The following CREB5 variants were observed in gnomAD, a reference collection of about 807,000 sequenced individuals.
CREB5 encodes cAMP responsive element binding protein 5, also known as cyclic AMP-responsive element-binding protein 5.
In CREB5, 19 loss-of-function variants were observed where a neutral mutation model predicts 57.1. The observed-to-expected ratio is 0.33, with a 90% confidence interval of 0.23 to 0.49. CREB5 has a LOEUF of 0.49. Ranked by LOEUF, CREB5 falls within the 20% of genes least tolerant of loss-of-function variation. The pLI, the probability that CREB5 is intolerant of heterozygous loss-of-function variation, is 0.99. For synonymous variants in CREB5, 238 were observed against 238.3 expected (o/e 1.00, Z 0.01); for missense variants, 579 against 671.6 (o/e 0.86, Z 1.52).
intron 1 of CREB5, among the ~76,000 whole-genome samples, chr7:28,372,698 T>C (rs1786731957): frequency 6.6e-6 from 1 of 152,218 alleles, no homozygotes; most frequent in African/African-American, 2.4e-5. Flanking sequence ...TGAGTGTTCA[T>C]GTTAATTAAG....
intron 1 of CREB5, among the ~76,000 whole-genome samples, chr7:28,347,493 T>A (rs1786084492): frequency 6.6e-6 from 1 of 152,222 alleles, no homozygotes; most frequent in Non-Finnish European, 1.5e-5. Flanking sequence ...GAGGAACTCA[T>A]ATTAAAGCAT....
At chr7:28,592,171 A>G (rs1796543848) in intron 5 of CREB5, among the ~76,000 whole-genome samples, 1 of 152,236 alleles carries the variant, frequency 6.6e-6, no homozygotes, top group Non-Finnish European at 1.5e-5. Flanking sequence ...TCAGAGAGCT[A>G]CATTTGGTGG....
chr7:28,561,020 G>A (rs1795245754), intron 4 of CREB5, among the ~76,000 whole-genome samples: 1 of 10,538 alleles, frequency 9.5e-5, no homozygotes, highest in African/African-American at 3.6e-4. Context: ...GTGTGTGCGT[G>A]TGTGCGTGTG....
At chr7:28,425,226 A>C (rs1474703798) in intron 1 of CREB5, among the ~76,000 whole-genome samples, 1 of 152,240 alleles carries the variant, frequency 6.6e-6, no homozygotes, top group African/African-American at 2.4e-5. Context: ...TAGATAAGCA[A>C]AATATGGTGC....
intron 5 of CREB5, among the ~76,000 whole-genome samples, chr7:28,682,883 A>C (rs1800673899): frequency 1.3e-5 from 2 of 152,226 alleles, no homozygotes. Flanking sequence ...GTCCAAAAGC[A>C]TTCTGAACTC....
chr7:28,464,496 C>CGTGTGTGTGTGTGTGTGTGTGT (rs71555745), intron 1 of CREB5, among the ~76,000 whole-genome samples: 1 of 139,576 alleles, frequency 7.2e-6, no homozygotes, highest in African/African-American at 2.7e-5. Context: ...TGGAAAGTTG[C>CGTGTGTGTGTGTGTGTGTGTGT]GTGTGTGTGT....
At chr7:28,774,188 T>G (rs1408033197) in intron 7 of CREB5, among the ~76,000 whole-genome samples, 1 of 152,252 alleles carries the variant, frequency 6.6e-6, no homozygotes, top group Non-Finnish European at 1.5e-5. Context: ...TTTTCTGTTT[T>G]CTATCAATAA....
chr7:28,475,458 G>T (rs1006920519), intron 1 of CREB5, among the ~76,000 whole-genome samples: 12 of 137,296 alleles, frequency 8.7e-5, no homozygotes, highest in Non-Finnish European at 1.8e-4. Flanking sequence ...GGGCTATTTG[G>T]GGAATAAAGG....
At chr7:28,769,482 A>G (rs1174733330) in intron 7 of CREB5, among the ~76,000 whole-genome samples, 3 of 152,252 alleles carry the variant, frequency 2.0e-5, no homozygotes, top group Admixed American at 2.0e-4. Context: ...TACCAAATAA[A>G]TACTAATAAA....
Position 28,440,138 on chromosome 7 carries a change from G to GT in CREB5, c.3+27222dup, listed in dbSNP as rs1354774257. On this transcript the variant is annotated intron_variant, in intron 1 of 10. Transcript: ENST00000357727. ...TAGAACTCTCAGTTGTCCTCTCCAC[G>GT]TGACAGTAAATTATTGCCAAATCTT... is the stretch of plus-strand genomic sequence containing the variant. Among the ~76,000 whole-genome samples, 3 of 152,220 alleles carry GT rather than the reference G, an allele frequency of 2.0e-5. No individual in the cohort carries two copies. In the East Asian group the frequency reaches 5.8e-4, roughly 29 times the overall value.
intron 7 of CREB5, among the ~76,000 whole-genome samples, chr7:28,743,848 T>C (rs1562611487): frequency 7.0e-6 from 1 of 143,784 alleles, no homozygotes; most frequent in African/African-American, 2.6e-5. Context: ...CTTTTTTTTT[T>C]TTTTTTTTTT....
At position 28,795,755 on chromosome 7, in the gene CREB5, C is replaced by CTTTTTTTTTTTTTT. The variant is rs367853221; in HGVS notation, c.703-8442_703-8429dup. On this transcript the variant is annotated intron_variant, in intron 7 of 10. Coordinates refer to ENST00000357727, the MANE Select transcript of CREB5 (RefSeq NM_182898.4). ...AAAATAAAATTAACTGTTTTTCTTT[C>CTTTTTTTTTTTTTT]TTTTTTTTTTTTTTTGAGACAGTAT... 1.5e-5 allele frequency among the ~76,000 whole-genome samples: 2 copies of CTTTTTTTTTTTTTT among 137,518 alleles called. 1 individual carries two copies. The highest frequency in any genetic ancestry group is 5.4e-5 in the African/African-American group (2 of 36,784). The allele number at this position is 137,518 out of a possible 152,430, so 90.2% of individuals were successfully genotyped here. A position where few individuals can be genotyped will look rare whatever the true frequency, so the allele number is the denominator to read the frequency against.
chr7:28,670,918 A>T (rs1312172954), intron 5 of CREB5, among the ~76,000 whole-genome samples: 1 of 152,038 alleles, frequency 6.6e-6, no homozygotes, highest in Admixed American at 6.6e-5. Context: ...CTGGTCTCGA[A>T]CTCCTGGCCT....
chr7:28,815,711 A>G (rs1809398390), intron 9 of CREB5, among the ~76,000 whole-genome samples: 1 of 152,204 alleles, frequency 6.6e-6, no homozygotes, highest in Non-Finnish European at 1.5e-5. Flanking sequence ...CTGCCAAGAA[A>G]GGGTTTCATT....
chr7:28,753,916 T>C (rs1805127842), intron 7 of CREB5, among the ~76,000 whole-genome samples: 1 of 151,926 alleles, frequency 6.6e-6, no homozygotes, highest in African/African-American at 2.4e-5. Flanking sequence ...GATACAGTTT[T>C]TCAGAAAAAA....
intron 1 of CREB5, among the ~76,000 whole-genome samples, chr7:28,458,834 T>C (rs1474057127): frequency 1.3e-5 from 2 of 152,132 alleles, no homozygotes; most frequent in Non-Finnish European, 2.9e-5. Context: ...TGAGACACAG[T>C]GGGCCTTGGA....
At chr7:28,347,666 T>C (rs1322819009) in intron 1 of CREB5, among the ~76,000 whole-genome samples, 1 of 152,180 alleles carries the variant, frequency 6.6e-6, no homozygotes, top group African/African-American at 2.4e-5. Context: ...TTCAATAGCT[T>C]GAAATTTCAA....
At chr7:28,684,782 T>A (rs540682720) in intron 5 of CREB5, among the ~76,000 whole-genome samples, 1 of 152,192 alleles carries the variant, frequency 6.6e-6, no homozygotes, top group Non-Finnish European at 1.5e-5. Flanking sequence ...TCTGCTTTTG[T>A]GGTATTTAAA....
upstream of CREB5, chr7:28,410,809 C>CAGG (rs3217097): frequency 0.034 from 11,753 of 343,584 alleles, 631 homozygotes; most frequent in East Asian, 0.18. Flanking sequence ...CTCAAGGGTT[C>CAGG]AGGAGCTTAG....
Sources: allele counts gnomAD v4.1 joint callset (sites outside exome capture counted in the v4.1 genomes callset), GRCh38; gene constraint gnomAD v4.1.1; transcripts MANE v1.5; gene names NCBI Gene and HGNC (gene_info 2026-07-23, HGNC 2026-07-21).